Variants in ENTPD1 observed in about 807,000 individuals in gnomAD.
The protein encoded by ENTPD1 is ectonucleoside triphosphate diphosphohydrolase 1.
Under a neutral mutation model 57.0 loss-of-function variants are expected in ENTPD1, and 33 were observed. That is an observed-to-expected ratio of 0.58 (90% CI 0.44 to 0.77). The LOEUF (loss-of-function observed/expected upper bound fraction) is 0.77. Among genes scored for constraint, ENTPD1 ranks in the 30% least tolerant of loss-of-function variants. ENTPD1 has a pLI of 0.00. For missense variants in ENTPD1, 501 were observed against 603.4 expected, an observed-to-expected ratio of 0.83 and a Z score of 1.78; for synonymous variants, 202 against 218.8, an observed-to-expected ratio of 0.92 and a Z score of 0.68.
chr10:95,805,608 T>G (rs2098268893), intron 1 of ENTPD1, among the ~76,000 whole-genome samples: 1 of 152,236 alleles, frequency 6.6e-6, no homozygotes, highest in South Asian at 2.1e-4. Flanking sequence ...CAATTTGGCA[T>G]GTTTTTGCAG....
chr10:95,779,087 C>A (rs1002995429), intron 1 of ENTPD1, among the ~76,000 whole-genome samples: 5 of 152,196 alleles, frequency 3.3e-5, no homozygotes, highest in Admixed American at 2.6e-4. Context: ...ACCTCCCTAA[C>A]CCCAACACTT....
At position 95,876,504 on chromosome 10, in the gene ENTPD1, T is replaced by G. The variant is rs2098485949; in HGVS notation, c.*10121T>G. On this transcript the variant is annotated 3_prime_UTR_variant, in exon 10 of 10. Coordinates refer to ENST00000371205, the MANE Select transcript of ENTPD1 (RefSeq NM_001776.6). Reference sequence around the variant, plus strand: ...CTCTGTCCTATTCTGTATCTGTATCTCTTGGATTTTTACCTTTGCAATAGT... The same window carrying G: ...CTCTGTCCTATTCTGTATCTGTATCGCTTGGATTTTTACCTTTGCAATAGT... 3.2e-6 allele frequency: 4 copies of G among 1,231,328 alleles called. No individual in the cohort carries two copies. Among genetic ancestry groups the G allele is most frequent in the Non-Finnish European group, 4.0e-6 (4 of 987,822 alleles). The allele number at this position is 1,231,328 out of a possible 1,614,324, so 76.3% of individuals were successfully genotyped here. A position where few individuals can be genotyped will look rare whatever the true frequency, so the allele number is the denominator to read the frequency against.
chr10:95,837,574 C>T (rs1042483906), intron 2 of ENTPD1, among the ~76,000 whole-genome samples: 2 of 152,158 alleles, frequency 1.3e-5, no homozygotes, highest in African/African-American at 2.4e-5. Context: ...ATGCTAATTA[C>T]TGGAGGGAAT....
chr10:95,744,778 T>TGG (rs1281966056), intron 1 of ENTPD1, among the ~76,000 whole-genome samples: 1 of 152,242 alleles, frequency 6.6e-6, no homozygotes, highest in African/African-American at 2.4e-5. Flanking sequence ...AAACTTTGTA[T>TGG]GGGTTAAGGT....
At chr10:95,730,361 C>T (rs568481180) in intron 1 of ENTPD1, among the ~76,000 whole-genome samples, 7 of 152,198 alleles carry the variant, frequency 4.6e-5, no homozygotes, top group African/African-American at 1.2e-4. Context: ...GTATTTCCCA[C>T]TATAATCAAG....
intron 1 of ENTPD1, among the ~76,000 whole-genome samples, chr10:95,788,343 C>T (rs569984317): frequency 3.9e-4 from 60 of 152,242 alleles, no homozygotes; most frequent in African/African-American, 1.3e-3. Context: ...CTAGGCCAGG[C>T]ATAGTGGCTC....
In ENTPD1 at chr10:95,731,781, C is replaced by CTTT. The variant is rs34841311; in HGVS notation, c.37+19807_37+19809dup. On this transcript the variant is annotated intron_variant, in intron 1 of 9. Transcript: ENST00000453258. ...GGTAAGAATTAGAGGAGTGGACATC[C>CTTT]TTTTTTTTTTTTTTTTTTTTTGACA... Among the ~76,000 whole-genome samples, 22 of 79,174 alleles carry CTTT rather than the reference C, an allele frequency of 2.8e-4. 3 individuals are homozygous for CTTT. The South Asian group carries it at 5.0e-3, about 18-fold the overall frequency. 51.9% of individuals were successfully genotyped at this position (79,174 alleles called of 152,430 possible). A position where few individuals can be genotyped will look rare whatever the true frequency, so the allele number is the denominator to read the frequency against.
rs964919710 is a variant in ENTPD1 at position 95,868,083 on chromosome 10, C to A, written c.*1700C>A. 2.0e-6 allele frequency: 2 copies of A among 983,464 alleles called. No homozygotes were observed. Among genetic ancestry groups the A allele is most frequent in the African/African-American group, 3.5e-5 (2 of 57,184 alleles). The allele number at this position is 983,464 out of a possible 1,614,324, so 60.9% of individuals were successfully genotyped here. A position where few individuals can be genotyped will look rare whatever the true frequency, so the allele number is the denominator to read the frequency against. ...CCACGCTGTGTGCTCAAGGGTATTA[C>A]ATTCATCTTCTCATTTAATCCTCAC... On this transcript the variant is annotated 3_prime_UTR_variant, in exon 10 of 10. Coordinates refer to ENST00000371205, the MANE Select transcript of ENTPD1 (RefSeq NM_001776.6).
upstream of ENTPD1, chr10:95,754,361 A>C (rs1422118389): frequency 1.3e-5 from 2 of 151,832 alleles, no homozygotes; most frequent in Non-Finnish European, 2.9e-5. Flanking sequence ...AAAGTAGAGA[A>C]CCGTTGCCAC....
upstream of ENTPD1, chr10:95,753,991 G>C (rs1369857044): frequency 6.7e-6 from 1 of 149,904 alleles, no homozygotes; most frequent in East Asian, 2.0e-4. Context: ...GTGAGGCTCT[G>C]TCTCAAAAAA....
At chr10:95,796,412 C>T (rs1566158679) in intron 1 of ENTPD1, among the ~76,000 whole-genome samples, 1 of 152,038 alleles carries the variant, frequency 6.6e-6, no homozygotes, top group Non-Finnish European at 1.5e-5. Context: ...GCCTCAATTT[C>T]TTCATAAGGT....
At chr10:95,838,792 C>T (rs1014444907) in intron 2 of ENTPD1, among the ~76,000 whole-genome samples, 1 of 152,108 alleles carries the variant, frequency 6.6e-6, no homozygotes, top group Non-Finnish European at 1.5e-5. Context: ...CATTTAATGT[C>T]CTTAAAAGGG....
chr10:95,746,049 G>A (rs2098005728), intron 1 of ENTPD1, among the ~76,000 whole-genome samples: 1 of 152,156 alleles, frequency 6.6e-6, no homozygotes, highest in African/African-American at 2.4e-5. Flanking sequence ...AAGGGGTGGA[G>A]AGGCCCTTTG....
intron 1 of ENTPD1, among the ~76,000 whole-genome samples, chr10:95,735,333 G>A (rs1162235951): frequency 2.0e-5 from 3 of 152,144 alleles, no homozygotes; most frequent in Non-Finnish European, 2.9e-5. Flanking sequence ...TAGATTTTTA[G>A]TGTTTGGAAA....
chr10:95,734,166 G>T (rs1295921756), intron 1 of ENTPD1, among the ~76,000 whole-genome samples: 1 of 152,176 alleles, frequency 6.6e-6, no homozygotes, highest in East Asian at 1.9e-4. Context: ...TATCAGATGG[G>T]ATCAAGCTAG....
chr10:95,739,187 T>C (rs1315635083), intron 1 of ENTPD1, among the ~76,000 whole-genome samples: 1 of 152,230 alleles, frequency 6.6e-6, no homozygotes, highest in East Asian at 1.9e-4. Context: ...TGTTAATAGC[T>C]GCTGACTGAT....
chr10:95,750,104 G>C (rs1357295529), intron 1 of ENTPD1, among the ~76,000 whole-genome samples: 4 of 152,140 alleles, frequency 2.6e-5, no homozygotes, highest in Non-Finnish European at 4.4e-5. Flanking sequence ...TAAGGAAAGA[G>C]GATTCAAATG....
intron 7 of ENTPD1, among the ~76,000 whole-genome samples, chr10:95,857,641 T>C (rs2098457483): frequency 6.6e-6 from 1 of 152,226 alleles, no homozygotes; most frequent in Non-Finnish European, 1.5e-5. Context: ...TATAAATTTA[T>C]CCAGATTTAA....
chr10:95,772,351 C>G (rs2098118547), intron 1 of ENTPD1, among the ~76,000 whole-genome samples: 1 of 152,220 alleles, frequency 6.6e-6, no homozygotes, highest in South Asian at 2.1e-4. Context: ...GAACTTCTTT[C>G]AAAATTGGAG....
Sources: gnomAD v4.1 joint callset for allele counts (sites outside exome capture counted in the v4.1 genomes callset) on GRCh38, gnomAD v4.1.1 for gene constraint, MANE v1.5 for transcripts, NCBI Gene and HGNC (gene_info 2026-07-23, HGNC 2026-07-21) for gene names.